Variants in ANKRD26 observed in about 807,000 individuals in gnomAD.
ANKRD26 encodes the protein ankyrin repeat domain 26.
Under a neutral mutation model 208.7 loss-of-function variants are expected in ANKRD26, and 141 were observed. That is an observed-to-expected ratio of 0.68 (90% CI 0.59 to 0.78). ANKRD26 has a LOEUF of 0.78. Among genes scored for constraint, ANKRD26 ranks in the 30% least tolerant of loss-of-function variants. ANKRD26 has a pLI of 0.00. For missense variants in ANKRD26, 1,889 were observed against 1,938.7 expected, an observed-to-expected ratio of 0.97 and a Z score of 0.48; for synonymous variants, 636 against 660.4, an observed-to-expected ratio of 0.96 and a Z score of 0.57.
intron 21 of ANKRD26, among the ~76,000 whole-genome samples, chr10:27,039,560 A>G (rs1335706865): frequency 6.6e-6 from 1 of 152,162 alleles, no homozygotes; most frequent in Non-Finnish European, 1.5e-5. Context: ...ATCTGGACCA[A>G]AGGCCTTTTT....
At position 27,063,976 on chromosome 10, in the gene ANKRD26, T is replaced by A. The variant is rs866264626; in HGVS notation, c.1363+12A>T. ...GTCCAATGGCTTTTTAAAAATGAAA[T>A]ATAGCTCTTACCTTCTGCTTGTTCA... is the stretch of plus-strand genomic sequence containing the variant. On this transcript the variant is annotated intron_variant, in intron 12 of 33. Transcript: ENST00000376087. 6.3e-6 allele frequency: 10 copies of A among 1,589,698 alleles called. 1 individual carries two copies. The South Asian group carries it at 8.8e-5, about 14-fold the overall frequency.
At chr10:27,099,889 C>A (rs976604762) in intron 1 of ANKRD26, among the ~76,000 whole-genome samples, 196 bp downstream of exon 1, 2 of 152,040 alleles carry the variant, frequency 1.3e-5, no homozygotes, top group African/African-American at 2.4e-5. Flanking sequence ...GGATCGGAAA[C>A]CAGCTAGAGT....
chr10:26,966,964 A>G, the ANKRD26 span, among the ~76,000 whole-genome samples: 1 of 152,210 alleles, frequency 6.6e-6, no homozygotes, highest in African/African-American at 2.4e-5. Flanking sequence ...TACCATGTAG[A>G]TTTAAAAACA....
In ANKRD26 at chr10:27,009,687, AC is replaced by A. The variant is rs529198056; in HGVS notation, c.4954-2726del. 1.8e-3 allele frequency among the ~76,000 whole-genome samples: 274 copies of A among 152,328 alleles called. 2 individuals are homozygous for A. The highest frequency in any genetic ancestry group is 2.9e-3 in the Non-Finnish European group (195 of 68,024). ...AAGCTTAATAAATTACTAATCTCTT[AC>A]GCTAATAATTTAATGCATAATACAA... On this transcript the variant is annotated intron_variant, in intron 32 of 33. Transcript: ENST00000376087.
chr10:26,984,113 T>A (rs2012657), intron 3 of ANKRD26, among the ~76,000 whole-genome samples: 132,031 of 152,288 alleles, frequency 0.87, 57,676 homozygotes, highest in East Asian at 1. Context: ...CTGCAGCGTT[T>A]TGAGATTCAC....
chr10:26,995,264 T>A (rs186406699), intron 4 of ANKRD26: 5 of 449,182 alleles, frequency 1.1e-5, no homozygotes, highest in African/African-American at 1.0e-4. Context: ...GATGAGAGTT[T>A]AGAAGGGTCT....
chr10:27,084,296 A>C (rs1001223681), intron 5 of ANKRD26, among the ~76,000 whole-genome samples: 1 of 152,162 alleles, frequency 6.6e-6, no homozygotes, highest in Non-Finnish European at 1.5e-5. Context: ...TATCTAAAAG[A>C]TACTTGACAG....
At chr10:27,099,943 A>G (rs1426272007) in intron 1 of ANKRD26, 142 bp downstream of exon 1, 3 of 1,330,114 alleles carry the variant, frequency 2.3e-6, no homozygotes, top group Non-Finnish European at 3.2e-6. Context: ...TGGGCGCTGG[A>G]GCCCTGCAAG....
At chr10:27,071,341 AT>A (rs1554790231) in intron 9 of ANKRD26, among the ~76,000 whole-genome samples, 416 of 127,602 alleles carry the variant, frequency 3.3e-3, no homozygotes, top group Middle Eastern at 4.0e-3. Context: ...AATTTTTTGT[AT>A]TTTTTTTTTT....
Position 27,067,268 on chromosome 10 carries a change from CT to C in ANKRD26, c.1095del (p.Gly366AlafsTer17). On this transcript the variant is annotated frameshift_variant, in exon 10 of 34. Coordinates refer to ENST00000376087, the MANE Select transcript of ANKRD26 (RefSeq NM_014915.3). LOFTEE classifies it high-confidence loss of function. ...PGLMKEEPTK[P>X]GIAKKENGID... Reference sequence around the variant, plus strand: ...ATACCATTTTCTTTTTTTGCAATGCCTGGCTTTGTTGGTTCTTCCTATTAAA... The same window carrying C: ...ATACCATTTTCTTTTTTTGCAATGCCGGCTTTGTTGGTTCTTCCTATTAAA... The C allele has an allele frequency of 6.2e-7, 1 of 1,613,296 alleles. No homozygotes were observed. The highest frequency in any genetic ancestry group is 8.5e-7 in the Non-Finnish European group (1 of 1,179,900).
the ANKRD26 span, among the ~76,000 whole-genome samples, chr10:26,962,685 T>G: frequency 6.6e-6 from 1 of 152,062 alleles, no homozygotes; most frequent in Non-Finnish European, 1.5e-5. Flanking sequence ...GAGTTCAAGG[T>G]TGCAGTGAGC....
downstream of ANKRD26, among the ~76,000 whole-genome samples, chr10:26,987,642 G>A (rs910088628): frequency 1.3e-5 from 2 of 152,170 alleles, no homozygotes; most frequent in Non-Finnish European, 2.9e-5. Context: ...GTCATGAGGG[G>A]TTTTGTCAGA....
rs761323853 is a variant in ANKRD26, at chr10:27,034,867, CCTT to C, written c.3580_3582del (p.Lys1194del). On this transcript the variant is annotated inframe_deletion, in exon 24 of 34. Transcript: ENST00000376087. Reference sequence around the variant, plus strand: ...AAGTGATTACATTCACTGATTAACTCCTTATTTCTTTCTTCTAGCAGAAGACTT... The same window carrying C: ...AAGTGATTACATTCACTGATTAACTCATTTCTTTCTTCTAGCAGAAGACTT... 27 of 1,613,144 alleles carry C rather than the reference CCTT, an allele frequency of 1.7e-5. No individual in the cohort carries two copies. In the South Asian group the frequency reaches 2.8e-4, roughly 16 times the overall value.
chr10:27,022,028 A>T lies in ANKRD26; in HGVS notation c.4215+530T>A, dbSNP rs564268592. ...TCTGTTGATACTTCCTTTGCTCTGT[A>T]GAAGCTCTTTAGTTTAATTAGATTC... On this transcript the variant is annotated intron_variant, in intron 29 of 33. Coordinates refer to ENST00000376087, the MANE Select transcript of ANKRD26 (RefSeq NM_014915.3). Among the ~76,000 whole-genome samples, 3 of 152,318 alleles carry T rather than the reference A, an allele frequency of 2.0e-5. No individual in the cohort carries two copies. The South Asian group carries it at 6.2e-4, about 32-fold the overall frequency.
At chr10:26,975,497 G>A (rs2052212750) in exon 6 of ANKRD26, among the ~76,000 whole-genome samples, 1 of 137,188 alleles carries the variant, frequency 7.3e-6, no homozygotes, top group African/African-American at 2.8e-5. Flanking sequence ...AAAGTGCTGG[G>A]ATAACAGGCA....
chr10:27,017,445 A>C (rs1207954823), intron 30 of ANKRD26, 57 bp downstream of exon 30: 1 of 1,565,882 alleles, frequency 6.4e-7, no homozygotes, highest in Non-Finnish European at 8.8e-7. Flanking sequence ...TATAATGTAT[A>C]TATCCAAAAT....
At chr10:26,982,198 T>C (rs1412446218) in intron 4 of ANKRD26, among the ~76,000 whole-genome samples, 2 of 152,078 alleles carry the variant, frequency 1.3e-5, no homozygotes, top group African/African-American at 4.8e-5. Context: ...ATTGCCAGAG[T>C]GAATTCAAGA....
chr10:27,091,984 TAAAA>T (rs3060811), intron 4 of ANKRD26, among the ~76,000 whole-genome samples: 2 of 139,736 alleles, frequency 1.4e-5, no homozygotes, highest in African/African-American at 2.6e-5. Context: ...AGACTCCATG[TAAAA>T]AAAAAAAAAA....
the ANKRD26 span, among the ~76,000 whole-genome samples, chr10:26,967,540 C>T: frequency 6.6e-6 from 1 of 151,894 alleles, no homozygotes; most frequent in African/African-American, 2.4e-5. Context: ...AATTATCTCT[C>T]TAGCCCAATC....
Sources: allele counts gnomAD v4.1 joint callset (sites outside exome capture counted in the v4.1 genomes callset), GRCh38; gene constraint gnomAD v4.1.1; transcripts MANE v1.5; gene names NCBI Gene and HGNC (gene_info 2026-07-23, HGNC 2026-07-21).